The following NALF1 variants were observed in gnomAD, a reference collection of about 807,000 sequenced individuals.
NALF1 encodes the protein family with sequence similarity 155 member A.
NALF1 carries 3 observed loss-of-function variants against 48.4 expected under a neutral mutation model. That is an observed-to-expected ratio of 0.06 (90% CI 0.03 to 0.16). The LOEUF (loss-of-function observed/expected upper bound fraction) is 0.16. NALF1 is among the 10% of genes least tolerant of loss of function. The pLI is 1.00. For synonymous variants in NALF1, 262 were observed against 245.7 expected (o/e 1.07, Z -0.62); for missense variants, 526 against 571.5 (o/e 0.92, Z 0.81).
chr13:107,600,618 C>T (rs935795771), intron 1 of NALF1, among the ~76,000 whole-genome samples: 3 of 152,078 alleles, frequency 2.0e-5, no homozygotes, highest in Admixed American at 2.0e-4. Context: ...TTACAGTGGT[C>T]GGTGCCTGTT....
chr13:107,236,506 A>G (rs1880344518), intron 1 of NALF1, among the ~76,000 whole-genome samples: 1 of 152,192 alleles, frequency 6.6e-6, no homozygotes, highest in Admixed American at 6.5e-5. Flanking sequence ...AAGAGTCCCC[A>G]GAGCGCATAA....
intron 1 of NALF1, among the ~76,000 whole-genome samples, chr13:107,357,906 G>A (rs1338172009): frequency 2.0e-5 from 3 of 152,110 alleles, no homozygotes; most frequent in African/African-American, 7.2e-5. Flanking sequence ...TCATTGCGAG[G>A]CTCTCCATGG....
At chr13:107,851,249 T>C (rs943509799) in intron 1 of NALF1, among the ~76,000 whole-genome samples, 30 of 152,186 alleles carry the variant, frequency 2.0e-4, no homozygotes, top group African/African-American at 7.0e-4. Context: ...AGCAGAATGA[T>C]ATAGTGACAT....
chr13:107,232,347 C>T (rs527438466), intron 1 of NALF1, among the ~76,000 whole-genome samples: 3 of 152,186 alleles, frequency 2.0e-5, no homozygotes, highest in East Asian at 1.9e-4. Context: ...GAGAGGGTCG[C>T]GGTCACTAGA....
intron 1 of NALF1, among the ~76,000 whole-genome samples, chr13:107,659,491 C>T (rs1283633790): frequency 7.1e-6 from 1 of 140,840 alleles, no homozygotes; most frequent in Non-Finnish European, 1.5e-5. Flanking sequence ...CCCTCCTTCC[C>T]CTATAGCATT....
chr13:107,813,727 C>T (rs956366162), intron 1 of NALF1, among the ~76,000 whole-genome samples: 3 of 150,234 alleles, frequency 2.0e-5, no homozygotes, highest in Admixed American at 2.0e-4. Context: ...TGGGTTCAAA[C>T]AAGAAGAAGA....
In NALF1 at chr13:107,772,204, C is replaced by T. The variant is rs991502368; in HGVS notation, c.915+93478G>A. 9.2e-5 allele frequency among the ~76,000 whole-genome samples: 14 copies of T among 152,198 alleles called. No individual in the cohort carries two copies. In the East Asian group the frequency reaches 9.7e-4, roughly 11 times the overall value. On this transcript the variant is annotated intron_variant, in intron 1 of 2. Coordinates refer to ENST00000375915, the MANE Select transcript of NALF1 (RefSeq NM_001080396.3). Reference sequence around the variant, plus strand: ...CTTTCAGGAACTCCTACTCTGTCTACGGAGTAGCTACACTTTGGCTACTTT... The same window carrying T: ...CTTTCAGGAACTCCTACTCTGTCTATGGAGTAGCTACACTTTGGCTACTTT...
At chr13:107,856,011 G>A (rs1880433299) in intron 1 of NALF1, among the ~76,000 whole-genome samples, 1 of 50,748 alleles carries the variant, frequency 2.0e-5, no homozygotes, top group Non-Finnish European at 5.1e-5. Context: ...GGATTCCAAT[G>A]ACTTCACCTC....
At chr13:107,729,153 A>T (rs530415146) in intron 1 of NALF1, among the ~76,000 whole-genome samples, 1 of 152,322 alleles carries the variant, frequency 6.6e-6, no homozygotes, top group Admixed American at 6.5e-5. Context: ...CTGTTTTTGT[A>T]CAGCAATAAT....
At chr13:107,197,025 C>A (rs1029838100) in intron 2 of NALF1, among the ~76,000 whole-genome samples, 1 of 152,054 alleles carries the variant, frequency 6.6e-6, no homozygotes, top group Admixed American at 6.6e-5. Flanking sequence ...GACTTAAGAT[C>A]ACATAAGGTC....
chr13:107,828,729 C>T (rs963647068), intron 1 of NALF1, among the ~76,000 whole-genome samples: 3 of 151,618 alleles, frequency 2.0e-5, no homozygotes, highest in Admixed American at 1.3e-4. Flanking sequence ...TATATTTCTG[C>T]TTGGAGAAGC....
intron 1 of NALF1, among the ~76,000 whole-genome samples, chr13:107,277,889 T>C (rs1026719198): frequency 6.6e-6 from 1 of 152,248 alleles, no homozygotes; most frequent in Non-Finnish European, 1.5e-5. Context: ...AGTGCTTCAC[T>C]TGTTCTGTCC....
At chr13:107,683,180 C>T (rs1193568264) in intron 1 of NALF1, among the ~76,000 whole-genome samples, 1 of 152,036 alleles carries the variant, frequency 6.6e-6, no homozygotes, top group African/African-American at 2.4e-5. Flanking sequence ...CCAGGGAGGT[C>T]GAGGCTGCAG....
intron 1 of NALF1, among the ~76,000 whole-genome samples, chr13:107,267,980 GA>G (rs138804624): frequency 8.0e-6 from 1 of 124,940 alleles, no homozygotes; most frequent in Non-Finnish European, 1.6e-5. Context: ...TTTTTTTCTG[GA>G]ATTTTTTTTT....
chr13:107,509,893 C>T (rs955804444), intron 1 of NALF1, among the ~76,000 whole-genome samples: 8 of 152,132 alleles, frequency 5.3e-5, no homozygotes, highest in African/African-American at 1.9e-4. Flanking sequence ...GCATCCTCCA[C>T]TTCCCAGGCT....
At chr13:107,742,430 G>A (rs926929916) in intron 1 of NALF1, among the ~76,000 whole-genome samples, 8 of 152,118 alleles carry the variant, frequency 5.3e-5, no homozygotes, top group East Asian at 1.9e-4. Context: ...TCATGGGGGC[G>A]GTTACTCCCA....
At chr13:107,572,281 G>A (rs1878009827) in intron 1 of NALF1, among the ~76,000 whole-genome samples, 1 of 152,046 alleles carries the variant, frequency 6.6e-6, no homozygotes, top group Non-Finnish European at 1.5e-5. Flanking sequence ...ACGACCTTCT[G>A]GTAATGAACG....
At chr13:107,326,311 C>A (rs1882363379) in intron 1 of NALF1, among the ~76,000 whole-genome samples, 1 of 152,074 alleles carries the variant, frequency 6.6e-6, no homozygotes. Context: ...AATGTTGAAG[C>A]ATAGCTGGTT....
At chr13:107,563,774 T>A (rs1877712729) in intron 1 of NALF1, among the ~76,000 whole-genome samples, 1 of 152,244 alleles carries the variant, frequency 6.6e-6, no homozygotes, top group Non-Finnish European at 1.5e-5. Flanking sequence ...AATTTTGTTA[T>A]AAAGCTATTT....
Sources: gnomAD v4.1 joint callset for allele counts (sites outside exome capture counted in the v4.1 genomes callset) on GRCh38, gnomAD v4.1.1 for gene constraint, MANE v1.5 for transcripts, NCBI Gene and HGNC (gene_info 2026-07-23, HGNC 2026-07-21) for gene names.